Variants in CRPPA observed in about 807,000 individuals in gnomAD.
The protein encoded by CRPPA is D-ribitol-5-phosphate cytidylyltransferase.
Under a neutral mutation model 52.0 loss-of-function variants are expected in CRPPA, and 43 were observed. The observed-to-expected ratio is 0.83, with a 90% CI of 0.65 to 1.07. The LOEUF is 1.07. CRPPA is among the 50% of genes least tolerant of loss of function. The pLI is 0.00. For synonymous variants in CRPPA, 250 were observed against 203.5 expected (o/e 1.23, Z -1.94); for missense variants, 629 against 551.7 (o/e 1.14, Z -1.40).
chr7:16,205,733 A>G (rs917704035), intron 9 of CRPPA, among the ~76,000 whole-genome samples: 1 of 151,898 alleles, frequency 6.6e-6, no homozygotes, highest in East Asian at 1.9e-4. Context: ...ATTTCCTCTT[A>G]CTACAGTGAG....
intron 9 of CRPPA, among the ~76,000 whole-genome samples, chr7:16,190,570 C>T (rs1781588683): frequency 6.6e-6 from 1 of 152,184 alleles, no homozygotes; most frequent in African/African-American, 2.4e-5. Context: ...TTTCAAAGAT[C>T]TCCCTTGTCT....
In CRPPA at chr7:16,327,742, T is replaced by G. The variant is rs114955974; in HGVS notation, c.685-19115A>C. ...AATGTTCAAATTAAACTGTGGCTTTTATCTTAAAATTGATGCTTATTAAGA... is the reference window on the plus strand; with the variant it reads ...AATGTTCAAATTAAACTGTGGCTTTGATCTTAAAATTGATGCTTATTAAGA... On this transcript the variant is annotated intron_variant, in intron 3 of 9. Coordinates refer to ENST00000407010, the MANE Select transcript of CRPPA (RefSeq NM_001101426.4). Among the ~76,000 whole-genome samples the G allele has an allele frequency of 5.4e-3, 826 of 152,298 alleles. 7 individuals carry two copies. The highest frequency in any genetic ancestry group is 0.018 in the African/African-American group (762 of 41,560).
At chr7:16,177,510 G>A (rs917579858) in intron 9 of CRPPA, among the ~76,000 whole-genome samples, 3 of 152,046 alleles carry the variant, frequency 2.0e-5, no homozygotes, top group Non-Finnish European at 4.4e-5. Context: ...TCATCTCCAT[G>A]TAGATGAAGA....
intron 3 of CRPPA, among the ~76,000 whole-genome samples, chr7:16,370,405 A>G (rs1452212801): frequency 2.0e-5 from 3 of 152,120 alleles, no homozygotes; most frequent in African/African-American, 7.2e-5. Flanking sequence ...CCTCCATCAG[A>G]GCTGAACCCA....
chr7:16,387,850 G>C (rs1052588172), intron 2 of CRPPA, among the ~76,000 whole-genome samples: 1 of 152,258 alleles, frequency 6.6e-6, no homozygotes, highest in Non-Finnish European at 1.5e-5. Context: ...TATTTGAAGT[G>C]CACATAGAAC....
chr7:16,352,032 G>C (rs1317522676), intron 3 of CRPPA, among the ~76,000 whole-genome samples: 1 of 152,124 alleles, frequency 6.6e-6, no homozygotes, highest in Non-Finnish European at 1.5e-5. Flanking sequence ...ATCAATGATA[G>C]ACTGGATAAA....
At chr7:16,137,367 G>A (rs556200807) in intron 9 of CRPPA, among the ~76,000 whole-genome samples, 4 of 152,264 alleles carry the variant, frequency 2.6e-5, no homozygotes, top group East Asian at 3.9e-4. Flanking sequence ...GCTACCTAGT[G>A]TATAGCTTTC....
intron 9 of CRPPA, among the ~76,000 whole-genome samples, chr7:16,207,196 T>G (rs1394701940): frequency 6.6e-6 from 1 of 152,170 alleles, no homozygotes; most frequent in African/African-American, 2.4e-5. Context: ...TCTACCACTC[T>G]TCCACTCTCA....
chr7:16,154,785 A>T (rs1285303108), intron 9 of CRPPA, among the ~76,000 whole-genome samples: 1 of 151,056 alleles, frequency 6.6e-6, no homozygotes, highest in Non-Finnish European at 1.5e-5. Context: ...AGTTTGACAA[A>T]TATCGTCAAT....
intron 5 of CRPPA, among the ~76,000 whole-genome samples, chr7:16,293,262 T>C (rs1784599723): frequency 6.6e-6 from 1 of 151,930 alleles, no homozygotes; most frequent in African/African-American, 2.4e-5. Context: ...TACTGACCTC[T>C]TGAGTCAAAG....
At chr7:16,417,368 T>C (rs1172251820) in intron 1 of CRPPA, among the ~76,000 whole-genome samples, 1 of 152,124 alleles carries the variant, frequency 6.6e-6, no homozygotes. Context: ...CTATTCACAA[T>C]AGCAAACACA....
intron 8 of CRPPA, among the ~76,000 whole-genome samples, chr7:16,217,028 C>T (rs1043632185): frequency 4.6e-5 from 7 of 151,558 alleles, no homozygotes; most frequent in Non-Finnish European, 1.0e-4. Flanking sequence ...CGTCTGCAGA[C>T]TTAAATGTCC....
chr7:16,096,247 G>C (rs1031347475), intron 9 of CRPPA, among the ~76,000 whole-genome samples: 3 of 151,568 alleles, frequency 2.0e-5, no homozygotes, highest in African/African-American at 7.3e-5. Flanking sequence ...AATATCACTA[G>C]ATAGGCAAAG....
chr7:16,238,494 AT>A (rs1434276374), intron 8 of CRPPA, among the ~76,000 whole-genome samples: 6 of 152,194 alleles, frequency 3.9e-5, no homozygotes, highest in African/African-American at 1.2e-4. Context: ...AGATTCACTG[AT>A]GAAAAAATAT....
At chr7:16,139,766 A>G (rs552401312) in intron 9 of CRPPA, among the ~76,000 whole-genome samples, 2 of 152,212 alleles carry the variant, frequency 1.3e-5, no homozygotes, top group African/African-American at 4.8e-5. Flanking sequence ...CTCTTGAATT[A>G]CCCAGGCTCA....
intron 3 of CRPPA, among the ~76,000 whole-genome samples, chr7:16,330,050 A>C (rs1413390098): frequency 6.6e-6 from 1 of 152,234 alleles, no homozygotes; most frequent in African/African-American, 2.4e-5. Context: ...CTTTCTTGTA[A>C]GTGATAAATT....
intron 8 of CRPPA, among the ~76,000 whole-genome samples, chr7:16,242,430 A>G (rs1783141760): frequency 6.6e-6 from 1 of 152,210 alleles, no homozygotes; most frequent in Non-Finnish European, 1.5e-5. Context: ...TGTTCATATC[A>G]TATCTTTTGT....
chr7:16,146,629 G>T (rs1353202538), intron 9 of CRPPA, among the ~76,000 whole-genome samples: 1 of 152,084 alleles, frequency 6.6e-6, no homozygotes, highest in African/African-American at 2.4e-5. Context: ...AACCTAAAAT[G>T]CATGAGAAGA....
chr7:16,104,244 A>G (rs1782104300), intron 9 of CRPPA, among the ~76,000 whole-genome samples: 1 of 152,186 alleles, frequency 6.6e-6, no homozygotes, highest in Admixed American at 6.5e-5. Context: ...TATCAGCCTT[A>G]GTTAGCAAAA....
Sources: allele counts gnomAD v4.1 joint callset (sites outside exome capture counted in the v4.1 genomes callset), GRCh38; gene constraint gnomAD v4.1.1; transcripts MANE v1.5; gene names NCBI Gene and HGNC (gene_info 2026-07-23, HGNC 2026-07-21).